ZNF501: variants seen among roughly 807,000 people sequenced by gnomAD.
The protein encoded by ZNF501 is zinc finger protein 52.
ZNF501 carries 7 observed loss-of-function variants against 5.7 expected under a neutral mutation model. That is an observed-to-expected ratio of 1.24 (90% CI 0.70 to 2.32). The LOEUF is 2.32. Ranked by LOEUF, ZNF501 falls within the 30% of genes most tolerant of loss-of-function variation. The pLI, the probability that ZNF501 is intolerant of heterozygous loss-of-function variation, is 0.00. For synonymous variants in ZNF501, 107 were observed against 101.9 expected (o/e 1.05, Z -0.30); for missense variants, 352 against 321.1 (o/e 1.10, Z -0.73).
intron 1 of ZNF501, among the ~76,000 whole-genome samples, chr3:44,730,256 CA>C (rs763531180): frequency 1.3e-5 from 2 of 151,806 alleles, no homozygotes; most frequent in African/African-American, 4.8e-5. Flanking sequence ...AAAACTGGAG[CA>C]AAAAAAGGTT....
intron 1 of ZNF501, among the ~76,000 whole-genome samples, chr3:44,730,607 A>C (rs1214919165): frequency 1.3e-5 from 2 of 152,256 alleles, no homozygotes; most frequent in Non-Finnish European, 2.9e-5. Context: ...TGTATTAGAC[A>C]GGAAACCAGG....
chr3:44,733,293 C>A (rs1233241655), intron 2 of ZNF501, among the ~76,000 whole-genome samples: 1 of 152,156 alleles, frequency 6.6e-6, no homozygotes, highest in Non-Finnish European at 1.5e-5. Context: ...CCTGAATATT[C>A]ATTCTTTAAT....
Position 44,734,403 on chromosome 3 carries a change from A to G in ZNF501, c.-19A>G, listed in dbSNP as rs371614688. On this transcript the variant is annotated 5_prime_UTR_variant, in exon 3 of 3. Transcript: ENST00000620116. ...GAGGAAAAAAAACTTGTAAGTATGAATTTGGTGTTACAAGCAGCATGAATT... is the reference window on the plus strand; with the variant it reads ...GAGGAAAAAAAACTTGTAAGTATGAGTTTGGTGTTACAAGCAGCATGAATT... The G allele has an allele frequency of 2.5e-5, 40 of 1,601,000 alleles. No individual in the cohort carries two copies. Among genetic ancestry groups the G allele is most frequent in the South Asian group, 2.1e-4 (19 of 89,954 alleles).
chr3:44,730,932 A>G (rs1386284482), intron 1 of ZNF501, among the ~76,000 whole-genome samples: 1 of 152,228 alleles, frequency 6.6e-6, no homozygotes, highest in African/African-American at 2.4e-5. Context: ...CTCTTTTCCC[A>G]TCTGTATATA....
rs2125875137 is a variant in ZNF501 at position 44,736,372 on chromosome 3, A to G, written c.*1135A>G. The G allele has an allele frequency of 6.0e-6, 1 of 167,202 alleles. No homozygotes were observed. The highest frequency in any genetic ancestry group is 2.4e-5 in the African/African-American group (1 of 41,570). The allele number at this position is 167,202 out of a possible 1,614,324, so 10.4% of individuals were successfully genotyped here. A position where few individuals can be genotyped will look rare whatever the true frequency, so the allele number is the denominator to read the frequency against. On this transcript the variant is annotated 3_prime_UTR_variant, in exon 3 of 3. Transcript: ENST00000620116. ...AAGAAAGGTAGGAGTTACTATTCAC[A>G]TCCTAGAGTCAAGGAAAAAGAGAAG...
Position 44,735,140 on chromosome 3 carries a change from A to G in ZNF501, c.719A>G (p.His240Arg). The stretch of plus-strand genomic sequence containing the variant: ...CACCTTAGTGAGCATTACAGAATTC[A>G]TACTGGAGAAAAACCTTATGAGTGT... ...QAHLSEHYRI[H>R]TGEKPYECVG... The change falls in exon 3 of 3, where the codon CAT (histidine) becomes CGT (arginine). Residue 240 changes from histidine to arginine, a missense_variant. Physicochemically the swap from His to Arg is conservative, Grantham distance 29. Transcript: ENST00000620116. 2 of 1,614,148 alleles carry G rather than the reference A, an allele frequency of 1.2e-6. No individual in the cohort carries two copies. Among genetic ancestry groups the G allele is most frequent in the Non-Finnish European group, 1.7e-6 (2 of 1,179,972 alleles).
At position 44,735,060 on chromosome 3, in the gene ZNF501, T is replaced by A. The variant is rs1487329202; in HGVS notation, c.639T>A (p.Thr213=). 6.2e-7 allele frequency: 1 copy of A among 1,614,062 alleles called. No homozygotes were observed. Among genetic ancestry groups the A allele is most frequent in the African/African-American group, 1.3e-5 (1 of 74,934 alleles). ...TTGTTGAACATGAAAGGACTCACAC[T>A]GGAGAGAAACTTTATAAGTGTAGTG... ...SSLVEHERTH[T]GEKLYKCSEC... is the part of the protein sequence containing the mutation. Residue 213 remains threonine (T), a synonymous_variant, in exon 3 of 3, where the codon ACT becomes ACA. Transcript: ENST00000620116.
chr3:44,732,351 T>G (rs1704627704), intron 2 of ZNF501: 1 of 152,220 alleles, frequency 6.6e-6, no homozygotes, highest in South Asian at 2.1e-4. Context: ...GAAAAAAACC[T>G]TTTTATTTTG....
intron 2 of ZNF501, 30 bp downstream of exon 2, chr3:44,731,590 A>G (rs1704617428): frequency 6.6e-6 from 1 of 152,218 alleles, no homozygotes; most frequent in Non-Finnish European, 1.5e-5. Context: ...AGAGCCCAGG[A>G]TGGTGGTGGT....
Position 44,735,356 on chromosome 3 carries a change from G to T in ZNF501, c.*119G>T. On this transcript the variant is annotated 3_prime_UTR_variant, in exon 3 of 3. Transcript: ENST00000620116. ...TATGAATATTTTGTATTTTGAACAA[G>T]AAATGTTGTGTCCTAATGTGTCCTA... 2 of 959,598 alleles carry T rather than the reference G, an allele frequency of 2.1e-6. No homozygotes were observed. Among genetic ancestry groups the T allele is most frequent in the East Asian group, 5.3e-5 (2 of 37,984 alleles). The allele number at this position is 959,598 out of a possible 1,614,324, so 59.4% of individuals were successfully genotyped here.
At chr3:44,732,051 G>A (rs1001544819) in intron 2 of ZNF501, 1 of 152,210 alleles carries the variant, frequency 6.6e-6, no homozygotes, top group African/African-American at 2.4e-5. Flanking sequence ...AGGCAACATG[G>A]AGCCTGGGTG....
intron 1 of ZNF501, among the ~76,000 whole-genome samples, chr3:44,731,134 A>G (rs765997432): frequency 1.2e-4 from 19 of 152,172 alleles, no homozygotes; most frequent in Non-Finnish European, 2.6e-4. Context: ...ACTGCCCTCT[A>G]TTGTAGCCCT....
rs1417810822 is a variant in ZNF501 at position 44,734,991 on chromosome 3, C to T, written c.570C>T (p.Tyr190=). The T allele has an allele frequency of 1.2e-6, 2 of 1,614,030 alleles. No homozygotes were observed. Among genetic ancestry groups the T allele is most frequent in the Non-Finnish European group, 1.7e-6 (2 of 1,180,028 alleles). Residue 190 remains tyrosine, a synonymous_variant, in exon 3 of 3, where the codon TAC becomes TAT. Transcript: ENST00000620116. ...GAATTCATTCAGGAGAGAAGCCCTACACATGCACTGAATGTGGTAAAGCCT... is the reference window on the plus strand; with the variant it reads ...GAATTCATTCAGGAGAGAAGCCCTATACATGCACTGAATGTGGTAAAGCCT... ...HQRIHSGEKP[Y]TCTECGKAFT... is the part of the protein sequence containing the mutation.
intron 1 of ZNF501, among the ~76,000 whole-genome samples, chr3:44,730,352 G>C (rs548685135): frequency 6.6e-6 from 1 of 152,328 alleles, no homozygotes; most frequent in African/African-American, 2.4e-5. Context: ...AATCAGACTA[G>C]AAAGTCCTAC....
In ZNF501 at chr3:44,734,239, T is replaced by C; in HGVS notation, c.-183T>C. On this transcript the variant is annotated 5_prime_UTR_variant, in exon 3 of 3. It removes an upstream start codon present in the reference 5' UTR. Transcript: ENST00000620116. ...GGTTCACTTTCAGAGAAGTTGAGAA[T>C]GCAGGCTGAACAAGGAAGAGGAAGG... The C allele has an allele frequency of 1.8e-6, 1 of 569,310 alleles. No homozygotes were observed. The highest frequency in any genetic ancestry group is 3.1e-6 in the Non-Finnish European group (1 of 324,712). 35.3% of individuals were successfully genotyped at this position (569,310 alleles called of 1,614,324 possible).
At chr3:44,731,453 A>G (rs1277880449) in intron 1 of ZNF501, 23 bp from the exon 2 acceptor site, 2 of 152,196 alleles carry the variant, frequency 1.3e-5, no homozygotes, top group African/African-American at 4.8e-5. Context: ...GCAATTTATG[A>G]GTGGCTCTTT....
intron 1 of ZNF501, among the ~76,000 whole-genome samples, chr3:44,730,844 T>G (rs1704603895): frequency 6.6e-6 from 1 of 152,226 alleles, no homozygotes; most frequent in African/African-American, 2.4e-5. Flanking sequence ...CACGGCTAGC[T>G]CATTTAGTAC....
Position 44,734,199 on chromosome 3 carries a change from A to G in ZNF501, c.-223A>G, listed in dbSNP as rs1704656414. ...CTGTCACTACTTAATCTCTTCAGAG[A>G]GGCTGATCATCAGGGGTTCACTTTC... On this transcript the variant is annotated splice_region_variant and 5_prime_UTR_variant, in exon 3 of 3. Transcript: ENST00000620116. The G allele has an allele frequency of 2.0e-6, 1 of 510,070 alleles. No individual in the cohort carries two copies. Among genetic ancestry groups the G allele is most frequent in the Non-Finnish European group, 3.5e-6 (1 of 287,924 alleles). The allele number at this position is 510,070 out of a possible 1,614,324, so 31.6% of individuals were successfully genotyped here. A position where few individuals can be genotyped will look rare whatever the true frequency, so the allele number is the denominator to read the frequency against.
At position 44,734,999 on chromosome 3, in the gene ZNF501, C is replaced by G. The variant is rs770408994; in HGVS notation, c.578C>G (p.Thr193Ser). The change falls in exon 3 of 3, where the codon ACT (threonine) becomes AGT (serine). Residue 193 changes from threonine to serine, a missense_variant. Coordinates refer to ENST00000620116, the MANE Select transcript of ZNF501 (RefSeq NM_001258280.2). Reference sequence around the variant, plus strand: ...TCAGGAGAGAAGCCCTACACATGCACTGAATGTGGTAAAGCCTTCACTCAG... The same window carrying G: ...TCAGGAGAGAAGCCCTACACATGCAGTGAATGTGGTAAAGCCTTCACTCAG... ...IHSGEKPYTC[T>S]ECGKAFTQNS... The G allele has an allele frequency of 6.2e-7, 1 of 1,614,052 alleles. No homozygotes were observed. Among genetic ancestry groups the G allele is most frequent in the South Asian group, 1.1e-5 (1 of 91,084 alleles).
Sources: gnomAD v4.1 joint callset for allele counts (sites outside exome capture counted in the v4.1 genomes callset) on GRCh38, gnomAD v4.1.1 for gene constraint, MANE v1.5 for transcripts, NCBI Gene and HGNC (gene_info 2026-07-23, HGNC 2026-07-21) for gene names.